Variants in MEF2C observed in about 807,000 individuals in gnomAD.
The protein encoded by MEF2C is myocyte-specific enhancer factor 2C.
A neutral mutation model predicts 50.5 loss-of-function variants in MEF2C; 6 were observed. The ratio of observed to expected loss-of-function variants is 0.12; its 90% confidence interval spans 0.07 to 0.23. The LOEUF (loss-of-function observed/expected upper bound fraction) is 0.23. MEF2C is among the 10% of genes least tolerant of loss of function. The pLI is 1.00. For synonymous variants in MEF2C, 183 were observed against 228.0 expected (o/e 0.80, Z 1.78); for missense variants, 276 against 605.0 (o/e 0.46, Z 5.70).
chr5:88,737,094 A>G (rs1159669938), intron 6 of MEF2C: 3 of 985,062 alleles, frequency 3.0e-6, no homozygotes, highest in Non-Finnish European at 2.4e-6. Flanking sequence ...AAAATTAAGA[A>G]TTATTCAGGA....
At chr5:88,738,034 T>C (rs2152377127) in intron 6 of MEF2C, 1 of 985,288 alleles carries the variant, frequency 1.0e-6, no homozygotes, top group East Asian at 1.1e-4. Flanking sequence ...AAATGATGTC[T>C]GAATGAGGCA....
At chr5:88,859,108 C>G (rs1410622107) in intron 1 of MEF2C, among the ~76,000 whole-genome samples, 3 of 152,156 alleles carry the variant, frequency 2.0e-5, no homozygotes, top group Non-Finnish European at 4.4e-5. Flanking sequence ...CATATGGCTT[C>G]TTACTATTTT....
rs2152021837 is a variant in MEF2C, at chr5:88,721,087, C to T, written c.*1517G>A. 6.6e-6 allele frequency: 1 copy of T among 152,620 alleles called. No homozygotes were observed. The highest frequency in any genetic ancestry group is 1.5e-5 in the Non-Finnish European group (1 of 68,014). 9.5% of individuals were successfully genotyped at this position (152,620 alleles called of 1,614,324 possible). On this transcript the variant is annotated 3_prime_UTR_variant, in exon 11 of 11. Transcript: ENST00000504921. ...CTGTGGGAATTTATAACTTATTCAC[C>T]AAGTAAATTCCATATCACTTGTTTC...
At chr5:88,816,782 A>G (rs954019660) in intron 2 of MEF2C, among the ~76,000 whole-genome samples, 2 of 151,900 alleles carry the variant, frequency 1.3e-5, no homozygotes, top group Non-Finnish European at 2.9e-5. Context: ...AATTTTTAAT[A>G]CAAGTGTTGG....
chr5:88,863,082 T>C (rs1561389221), intron 1 of MEF2C, among the ~76,000 whole-genome samples: 1 of 152,248 alleles, frequency 6.6e-6, no homozygotes, highest in Non-Finnish European at 1.5e-5. Flanking sequence ...TGCCAGGATT[T>C]GACTCATCAT....
At chr5:88,880,694 A>AT (rs1018536870) in intron 1 of MEF2C, 9 of 151,906 alleles carry the variant, frequency 5.9e-5, no homozygotes, top group African/African-American at 2.2e-4. Context: ...TTTCCCCCAA[A>AT]TTTTTCAAAA....
Position 88,749,087 on chromosome 5 carries a change from C to T in MEF2C, c.620G>A (p.Gly207Asp). The change falls in exon 6 of 11, where the codon GGT (glycine) becomes GAT (aspartate). Residue 207 changes from glycine (G) to aspartate (D), a missense_variant. This residue lies in a region of MEF2C where 256 missense variants were observed against 468.1 expected (regional missense o/e 0.55). Transcript: ENST00000504921. Reference protein sequence around the residue: ...GGLMGGDLTSGAGTSAGNGYG... With the variant: ...GGLMGGDLTSDAGTSAGNGYG... The stretch of plus-strand genomic sequence containing the variant: ...GGGCTTACCTGCACTGGTGCCTGCA[C>T]CAGACGTGAGGTCTCCACCCATCAG... 1 of 1,575,436 alleles carries T rather than the reference C, an allele frequency of 6.3e-7. No homozygotes were observed. The highest frequency in any genetic ancestry group is 8.6e-7 in the Non-Finnish European group (1 of 1,159,816).
chr5:88,767,386 C>T (rs559128432), intron 3 of MEF2C, among the ~76,000 whole-genome samples: 5 of 148,868 alleles, frequency 3.4e-5, no homozygotes, highest in Non-Finnish European at 7.5e-5. Flanking sequence ...ACCATAGTCC[C>T]TTTTCTTTGT....
At chr5:88,735,668 A>G in intron 6 of MEF2C, 1 of 985,394 alleles carries the variant, frequency 1.0e-6, no homozygotes, top group Non-Finnish European at 1.2e-6. Flanking sequence ...TAGTGTCAAT[A>G]CATAGAACTT....
chr5:88,863,366 T>G (rs1826131195), intron 1 of MEF2C, among the ~76,000 whole-genome samples: 1 of 152,250 alleles, frequency 6.6e-6, no homozygotes, highest in Non-Finnish European at 1.5e-5. Context: ...TGTTAATAAA[T>G]TTATACAGTT....
At chr5:88,734,232 G>C (rs1762904890) in intron 6 of MEF2C, 3 of 985,272 alleles carry the variant, frequency 3.0e-6, no homozygotes, top group Non-Finnish European at 3.6e-6. Flanking sequence ...TTTGCTGTCA[G>C]CTGAAGGTCA....
At chr5:88,724,384 G>A (rs1757684990) in intron 10 of MEF2C, among the ~76,000 whole-genome samples, 1 of 152,090 alleles carries the variant, frequency 6.6e-6, no homozygotes, top group South Asian at 2.1e-4. Flanking sequence ...TTTGAGTGAT[G>A]TTTTGTACAA....
At chr5:88,848,977 C>T (rs543814358) in intron 1 of MEF2C, among the ~76,000 whole-genome samples, 3 of 151,772 alleles carry the variant, frequency 2.0e-5, no homozygotes, top group East Asian at 3.9e-4. Flanking sequence ...ATGGTGAAAC[C>T]CCGTCTCTAC....
Position 88,823,792 on chromosome 5 carries a change from C to T in MEF2C, c.-4G>A. 6.2e-7 allele frequency: 1 copy of T among 1,608,700 alleles called. No individual in the cohort carries two copies. Among genetic ancestry groups the T allele is most frequent in the Non-Finnish European group, 8.5e-7 (1 of 1,176,810 alleles). Reference sequence around the variant, plus strand: ...TCTGAATCTTTTTTCTCCCCATAGTCCCCGTTTTTCTTCTCTCTCTCGTCC... The same window carrying T: ...TCTGAATCTTTTTTCTCCCCATAGTTCCCGTTTTTCTTCTCTCTCTCGTCC... On this transcript the variant is annotated 5_prime_UTR_variant, in exon 2 of 11. Transcript: ENST00000504921.
chr5:88,819,716 G>A (rs1047426434), intron 2 of MEF2C, among the ~76,000 whole-genome samples: 2 of 151,820 alleles, frequency 1.3e-5, no homozygotes, highest in Non-Finnish European at 2.9e-5. Flanking sequence ...TCAATCAGGG[G>A]TCCATAAACT....
At chr5:88,802,200 T>C (rs968058324) in intron 3 of MEF2C, among the ~76,000 whole-genome samples, 1 of 152,246 alleles carries the variant, frequency 6.6e-6, no homozygotes, top group Non-Finnish European at 1.5e-5. Context: ...GTATTGCTTT[T>C]TTAAAAATTA....
At chr5:88,734,596 T>TTTTTTTTTTTTG (rs1763312345) in intron 6 of MEF2C, 1 of 647,094 alleles carries the variant, frequency 1.5e-6, no homozygotes, top group Non-Finnish European at 1.9e-6. Flanking sequence ...TTTTTTTTTT[T>TTTTTTTTTTTTG]TTAGCATTTT....
At chr5:88,793,693 A>T (rs1794812032) in intron 3 of MEF2C, among the ~76,000 whole-genome samples, 1 of 152,168 alleles carries the variant, frequency 6.6e-6, no homozygotes, top group Admixed American at 6.5e-5. Context: ...TGTGCAGAAC[A>T]TGCAGACTTG....
intron 6 of MEF2C, chr5:88,734,676 A>G (rs898474842): frequency 3.1e-6 from 3 of 977,252 alleles, no homozygotes; most frequent in Non-Finnish European, 3.6e-6. Flanking sequence ...ACAGTGATTC[A>G]GGGCAGCAGT....
Sources: allele counts gnomAD v4.1 joint callset (sites outside exome capture counted in the v4.1 genomes callset), GRCh38; gene constraint gnomAD v4.1.1; regional missense constraint gnomAD v4.1.1; transcripts MANE v1.5; gene names NCBI Gene and HGNC (gene_info 2026-07-23, HGNC 2026-07-21).